The following DOCK7 variants were observed in gnomAD, a reference collection of about 807,000 sequenced individuals.
DOCK7 encodes the protein dedicator of cytokinesis protein 7.
In DOCK7, 138 loss-of-function variants were observed where a neutral mutation model predicts 271.0. That is an observed-to-expected ratio of 0.51 (90% CI 0.44 to 0.59). The LOEUF (loss-of-function observed/expected upper bound fraction) is 0.59, where lower values mean the gene tolerates loss of function less well. DOCK7 is among the 20% of genes least tolerant of loss of function. The probability of loss-of-function intolerance (pLI) is 0.00; values close to 1 mark genes in which losing one functional copy is unlikely to be tolerated. For synonymous variants in DOCK7, 823 were observed against 876.1 expected (o/e 0.94, Z 1.07); for missense variants, 2,066 against 2,592.4 (o/e 0.80, Z 4.41).
rs1237483786 is a variant in DOCK7, at chr1:62,666,142, C to T, written c.39-3012G>A. ...TTGCACCACTGCACTCCAGCCTGGG[C>T]GACAGAGTGAGACTCTGTCACAAAA... On this transcript the variant is annotated intron_variant, in intron 1 of 49. Transcript: ENST00000635253. Among the ~76,000 whole-genome samples the T allele has an allele frequency of 3.3e-5, 5 of 151,804 alleles. No individual in the cohort carries two copies. In the South Asian group the frequency reaches 6.2e-4, roughly 19 times the overall value.
In DOCK7 at chr1:62,670,546, C is replaced by G. The variant is rs555939173; in HGVS notation, c.39-7416G>C. Among the ~76,000 whole-genome samples, 4 of 152,194 alleles carry G rather than the reference C, an allele frequency of 2.6e-5. No homozygotes were observed. In the East Asian group the frequency reaches 5.8e-4, roughly 22 times the overall value. ...AAATACACCAATCGGCACTCTGTAT[C>G]TAGCTCAAGGTTTGTAAACACACCA... On this transcript the variant is annotated intron_variant, in intron 1 of 49. Coordinates refer to ENST00000635253, the MANE Select transcript of DOCK7 (RefSeq NM_001367561.1).
At chr1:62,527,732 G>T in intron 31 of DOCK7, among the ~76,000 whole-genome samples, 2 of 134,354 alleles carry the variant, frequency 1.5e-5, no homozygotes, top group African/African-American at 5.5e-5. Flanking sequence ...CTGTTGTGGG[G>T]TGGGGGGAGG....
chr1:62,654,772 T>C (rs1657791026), intron 2 of DOCK7, among the ~76,000 whole-genome samples: 1 of 152,182 alleles, frequency 6.6e-6, no homozygotes, highest in African/African-American at 2.4e-5. Context: ...TGCAATCACA[T>C]ATATCCTCAT....
At chr1:62,595,907 C>A (rs1033163129) in intron 14 of DOCK7, among the ~76,000 whole-genome samples, 3 of 151,990 alleles carry the variant, frequency 2.0e-5, no homozygotes, top group African/African-American at 7.2e-5. Flanking sequence ...CCAGCCTGGA[C>A]AACAGAGCAA....
chr1:62,664,782 T>TAAAA (rs10710205), intron 1 of DOCK7, among the ~76,000 whole-genome samples: 1 of 137,232 alleles, frequency 7.3e-6, no homozygotes, highest in Non-Finnish European at 1.6e-5. Context: ...TCTACTAGTT[T>TAAAA]AAAAAAAAAA....
chr1:62,657,738 G>C (rs777938009), intron 2 of DOCK7, among the ~76,000 whole-genome samples: 1 of 151,878 alleles, frequency 6.6e-6, no homozygotes, highest in Non-Finnish European at 1.5e-5. Context: ...AGAACTAAAT[G>C]GAAATTTTAG....
At chr1:62,474,543 CA>C (rs1348687498) in intron 47 of DOCK7, among the ~76,000 whole-genome samples, 1 of 152,160 alleles carries the variant, frequency 6.6e-6, no homozygotes, top group Non-Finnish European at 1.5e-5. Context: ...CATTTGGAGA[CA>C]AAACCTTAAA....
chr1:62,687,702 G>A (rs890937943), intron 1 of DOCK7: 1 of 152,314 alleles, frequency 6.6e-6, no homozygotes, highest in African/African-American at 2.4e-5. Context: ...TTCTCAGGAA[G>A]AGAGAGACGC....
At chr1:62,543,389 G>A (rs956013333) in intron 24 of DOCK7, 46 of 257,194 alleles carry the variant, frequency 1.8e-4, no homozygotes, top group African/African-American at 9.3e-4. Flanking sequence ...CATTTTTTTG[G>A]TACTAAAATT....
chr1:62,547,867 T>G (rs931753831), intron 22 of DOCK7, among the ~76,000 whole-genome samples: 1 of 152,060 alleles, frequency 6.6e-6, no homozygotes, highest in South Asian at 2.1e-4. Flanking sequence ...ATTTTAGGAG[T>G]TCTGTATTTT....
chr1:62,613,241 C>G (rs1442260660), intron 14 of DOCK7, among the ~76,000 whole-genome samples: 1 of 152,046 alleles, frequency 6.6e-6, no homozygotes, highest in East Asian at 1.9e-4. Flanking sequence ...CTTGATAAAG[C>G]AAGAATTTGA....
At position 62,494,358 on chromosome 1, in the gene DOCK7, C is replaced by G; in HGVS notation, c.5134G>C (p.Val1712Leu). 6.2e-7 allele frequency: 1 copy of G among 1,613,624 alleles called. No individual in the cohort carries two copies. The highest frequency in any genetic ancestry group is 8.5e-7 in the Non-Finnish European group (1 of 1,179,624). The change falls in exon 40 of 50, where the codon GTC becomes CTC. Residue 1712 changes from valine (V) to leucine (L), a missense_variant. Transcript: ENST00000635253. ...SNHAEAAQCL[V>L]HSAALVAEYL... ...TCAGCAACAAGTGCTGCTGAGTGGA[C>G]TAGACACTGTGCAGCTTCAGCATGA...
At position 62,553,354 on chromosome 1, in the gene DOCK7, ATTTTTTTTTTTTTTTTTTTTTTT is replaced by A. The variant is rs1159680880; in HGVS notation, c.2597-476_2597-454del. Among the ~76,000 whole-genome samples, 82 of 17,320 alleles carry A rather than the reference ATTTTTTTTTTTTTTTTTTTTTTT, an allele frequency of 4.7e-3. 1 individual carries two copies. The highest frequency in any genetic ancestry group is 7.0e-3 in the Admixed American group (9 of 1,284). 11.4% of individuals were successfully genotyped at this position (17,320 alleles called of 152,430 possible). A position where few individuals can be genotyped will look rare whatever the true frequency, so the allele number is the denominator to read the frequency against. On this transcript the variant is annotated intron_variant, in intron 21 of 49. Transcript: ENST00000635253. ...TATATATATATATATATATATATAT[ATTTTTTTTTTTTTTTTTTTTTTT>A]TTTTTTTTAATAGGCAGGTGCCATT...
At chr1:62,501,535 T>C (rs927983782) in intron 37 of DOCK7, among the ~76,000 whole-genome samples, 4 of 151,894 alleles carry the variant, frequency 2.6e-5, no homozygotes, top group African/African-American at 4.8e-5. Context: ...AATGACAGGG[T>C]GGAGGAGAGA....
At chr1:62,665,591 G>T (rs1659207136) in intron 1 of DOCK7, among the ~76,000 whole-genome samples, 1 of 151,272 alleles carries the variant, frequency 6.6e-6, no homozygotes, top group African/African-American at 2.4e-5. Flanking sequence ...TGTAGTCCCA[G>T]CTACTTGGGA....
chr1:62,512,133 C>T (rs1644506093), intron 33 of DOCK7, among the ~76,000 whole-genome samples: 1 of 152,212 alleles, frequency 6.6e-6, no homozygotes, highest in African/African-American at 2.4e-5. Flanking sequence ...TATTACAAAA[C>T]ATAGTATATA....
intron 43 of DOCK7, chr1:62,485,668 C>T (rs1189848827): frequency 1.0e-6 from 1 of 985,078 alleles, no homozygotes; most frequent in Admixed American, 6.2e-5. Context: ...CCACAATAGA[C>T]AATAGTAAAA....
chr1:62,634,699 G>T, intron 9 of DOCK7, 74 bp downstream of exon 9: 1 of 1,442,828 alleles, frequency 6.9e-7, no homozygotes, highest in Non-Finnish European at 9.4e-7. Flanking sequence ...CTTTGCCCTT[G>T]AAAAGTTTAT....
chr1:62,649,183 T>C (rs1657039012), intron 4 of DOCK7, among the ~76,000 whole-genome samples: 2 of 152,132 alleles, frequency 1.3e-5, no homozygotes, highest in African/African-American at 2.4e-5. Flanking sequence ...ACATCAAATA[T>C]GAGCTGATCA....
Sources: allele counts gnomAD v4.1 joint callset (sites outside exome capture counted in the v4.1 genomes callset), GRCh38; gene constraint gnomAD v4.1.1; transcripts MANE v1.5; gene names NCBI Gene and HGNC (gene_info 2026-07-23, HGNC 2026-07-21).